The following MDGA2 variants were observed in gnomAD, a reference collection of about 807,000 sequenced individuals.
MDGA2 encodes the protein MAM domain-containing glycosylphosphatidylinositol anchor protein 2.
A neutral mutation model predicts 117.8 loss-of-function variants in MDGA2; 40 were observed. The ratio of observed to expected loss-of-function variants is 0.34; its 90% confidence interval spans 0.26 to 0.44. The LOEUF (loss-of-function observed/expected upper bound fraction) is 0.44, where lower values mean the gene tolerates loss of function less well. Ranked by LOEUF, MDGA2 falls within the 20% of genes least tolerant of loss-of-function variation. MDGA2 has a pLI of 1.00. For missense variants in MDGA2, 1,123 were observed against 1,250.6 expected, an observed-to-expected ratio of 0.90 and a Z score of 1.54; for synonymous variants, 452 against 439.0, an observed-to-expected ratio of 1.03 and a Z score of -0.37.
chr14:47,476,287 C>G (rs1893835169), intron 1 of MDGA2, among the ~76,000 whole-genome samples: 1 of 151,814 alleles, frequency 6.6e-6, no homozygotes, highest in Non-Finnish European at 1.5e-5. Flanking sequence ...CAAAACTTAA[C>G]AAAACTCTCA....
intron 1 of MDGA2, among the ~76,000 whole-genome samples, chr14:47,351,902 AACACACACACACAC>A (rs35860893): frequency 2.4e-4 from 35 of 148,502 alleles, no homozygotes; most frequent in Admixed American, 6.8e-4. Flanking sequence ...CTCTAAATTA[AACACACACACACAC>A]ACACACACAC....
At chr14:47,466,106 G>A (rs1020603190) in intron 1 of MDGA2, among the ~76,000 whole-genome samples, 32 of 152,152 alleles carry the variant, frequency 2.1e-4, no homozygotes, top group Admixed American at 1.2e-3. Context: ...CCTATAAGTG[G>A]GAGCTAAATT....
At chr14:46,876,656 G>T (rs547875630) in intron 12 of MDGA2, among the ~76,000 whole-genome samples, 51 of 151,078 alleles carry the variant, frequency 3.4e-4, no homozygotes, top group African/African-American at 1.2e-3. Flanking sequence ...GCTTTATTTG[G>T]TCTGCAGAAT....
intron 9 of MDGA2, among the ~76,000 whole-genome samples, chr14:46,938,617 A>T (rs1024927064): frequency 7.9e-5 from 12 of 151,732 alleles, no homozygotes; most frequent in Non-Finnish European, 2.9e-5. Context: ...AAATATGACA[A>T]ATGCTGGTGA....
At chr14:47,541,246 A>G (rs1407267252) in intron 1 of MDGA2, among the ~76,000 whole-genome samples, 1 of 152,248 alleles carries the variant, frequency 6.6e-6, no homozygotes, top group Admixed American at 6.5e-5. Flanking sequence ...AAAGTGGAAT[A>G]AAATGAGCAC....
intron 1 of MDGA2, among the ~76,000 whole-genome samples, chr14:47,651,308 C>G (rs964512616): frequency 6.6e-6 from 1 of 151,514 alleles, no homozygotes; most frequent in African/African-American, 2.4e-5. Flanking sequence ...CTGAAGAGCT[C>G]CAATACAGGG....
At chr14:47,337,750 T>C (rs923411480) in intron 1 of MDGA2, among the ~76,000 whole-genome samples, 56 of 151,948 alleles carry the variant, frequency 3.7e-4, no homozygotes, top group African/African-American at 1.4e-3. Context: ...TTTCATAATG[T>C]ATGATATGAT....
chr14:47,235,499 G>T (rs141632862), intron 2 of MDGA2, among the ~76,000 whole-genome samples: 1 of 152,154 alleles, frequency 6.6e-6, no homozygotes, highest in African/African-American at 2.4e-5. Flanking sequence ...TGCTAAATGC[G>T]TAGATTAATA....
chr14:46,964,807 T>C (rs963691043), intron 8 of MDGA2, among the ~76,000 whole-genome samples: 13 of 152,146 alleles, frequency 8.5e-5, no homozygotes, highest in African/African-American at 2.7e-4. Context: ...AGTTAACGTG[T>C]TTGTAGCTAT....
At chr14:46,964,557 T>A (rs186259729) in intron 8 of MDGA2, among the ~76,000 whole-genome samples, 3 of 152,126 alleles carry the variant, frequency 2.0e-5, no homozygotes, top group Admixed American at 1.3e-4. Flanking sequence ...ACTTGAAAAC[T>A]TGAAAAGCAA....
At chr14:47,004,980 CATTT>C (rs1205614956) in intron 8 of MDGA2, among the ~76,000 whole-genome samples, 2 of 151,516 alleles carry the variant, frequency 1.3e-5, no homozygotes, top group Non-Finnish European at 3.0e-5. Flanking sequence ...TTGTTGAACT[CATTT>C]ATTAGCTCTA....
intron 2 of MDGA2, among the ~76,000 whole-genome samples, chr14:47,248,631 G>A (rs564811831): frequency 5.5e-5 from 8 of 146,170 alleles, no homozygotes; most frequent in Non-Finnish European, 7.9e-5. Context: ...ATATTGTCTG[G>A]GTTTTGTTTA....
At chr14:47,315,678 C>T (rs145139028) in intron 1 of MDGA2, among the ~76,000 whole-genome samples, 4 of 152,002 alleles carry the variant, frequency 2.6e-5, no homozygotes, top group Admixed American at 2.6e-4. Flanking sequence ...AAGGAATGAC[C>T]AAGCTCATTA....
At chr14:47,476,038 CTT>C (rs1893828946) in intron 1 of MDGA2, among the ~76,000 whole-genome samples, 1 of 152,000 alleles carries the variant, frequency 6.6e-6, no homozygotes, top group African/African-American at 2.4e-5. Context: ...AAAGAATAAA[CTT>C]AAAGTAAAAA....
At chr14:47,299,771 C>CT (rs886137295) in intron 2 of MDGA2, among the ~76,000 whole-genome samples, 14 of 151,952 alleles carry the variant, frequency 9.2e-5, no homozygotes, top group South Asian at 2.1e-4. Flanking sequence ...CTTTTGGAAT[C>CT]TTTTTTTTCT....
intron 3 of MDGA2, among the ~76,000 whole-genome samples, chr14:47,166,406 T>C (rs534616314): frequency 3.3e-5 from 5 of 152,296 alleles, no homozygotes; most frequent in African/African-American, 4.8e-5. Context: ...ATAACATATA[T>C]AGAATTTATT....
intron 9 of MDGA2, among the ~76,000 whole-genome samples, chr14:46,922,818 T>C (rs956118749): frequency 6.6e-6 from 1 of 152,202 alleles, no homozygotes; most frequent in Non-Finnish European, 1.5e-5. Context: ...GGCAGCAGCA[T>C]GCCTGATCCA....
At chr14:47,208,610 T>G (rs1181265525) in intron 3 of MDGA2, among the ~76,000 whole-genome samples, 3 of 151,390 alleles carry the variant, frequency 2.0e-5, no homozygotes, top group Non-Finnish European at 4.4e-5. Flanking sequence ...AAAGCTAGAT[T>G]CAGAGGGCTC....
At chr14:47,074,331 C>T (rs1420552402) in intron 6 of MDGA2, among the ~76,000 whole-genome samples, 1 of 149,724 alleles carries the variant, frequency 6.7e-6, no homozygotes, top group Non-Finnish European at 1.5e-5. Context: ...CGTGGAGTCT[C>T]GCTCTGTCAC....
Sources: allele counts gnomAD v4.1 joint callset (sites outside exome capture counted in the v4.1 genomes callset), GRCh38; gene constraint gnomAD v4.1.1; transcripts MANE v1.5; gene names NCBI Gene and HGNC (gene_info 2026-07-23, HGNC 2026-07-21).